The following GPC5 variants were observed in gnomAD, a reference collection of about 807,000 sequenced individuals.
GPC5 encodes the protein glypican-5.
GPC5 carries 47 observed loss-of-function variants against 53.9 expected under a neutral mutation model. The observed-to-expected ratio is 0.87, with a 90% CI of 0.69 to 1.11. The LOEUF is 1.11. GPC5 is among the 50% of genes most tolerant of loss of function. The probability of loss-of-function intolerance (pLI) is 0.00; values close to 1 mark genes in which losing one functional copy is unlikely to be tolerated. For missense variants in GPC5, 748 were observed against 713.1 expected (o/e 1.05, Z -0.56); for synonymous variants, 286 against 263.3 (o/e 1.09, Z -0.84).
chr13:91,742,159 A>G (rs2036948174), intron 4 of GPC5, among the ~76,000 whole-genome samples: 2 of 152,206 alleles, frequency 1.3e-5, no homozygotes, highest in African/African-American at 4.8e-5. Flanking sequence ...GTCAAGACCT[A>G]CATGAATAAT....
At chr13:91,741,952 T>C (rs1162465357) in intron 4 of GPC5, among the ~76,000 whole-genome samples, 1 of 152,182 alleles carries the variant, frequency 6.6e-6, no homozygotes, top group Non-Finnish European at 1.5e-5. Context: ...CCATCATTAT[T>C]TATTACCTGT....
At chr13:92,857,647 A>C (rs564182503) in intron 7 of GPC5, among the ~76,000 whole-genome samples, 116 of 152,282 alleles carry the variant, frequency 7.6e-4, no homozygotes, top group Non-Finnish European at 1.4e-3. Flanking sequence ...CCTCATCAAA[A>C]AGTGGGCAAA....
intron 7 of GPC5, among the ~76,000 whole-genome samples, chr13:92,482,574 T>A (rs951927736): frequency 3.9e-5 from 6 of 152,126 alleles, no homozygotes; most frequent in African/African-American, 1.4e-4. Flanking sequence ...AGGGTTTTTT[T>A]CCCCCCTTAA....
chr13:91,736,716 G>A (rs2036823005), intron 4 of GPC5, among the ~76,000 whole-genome samples: 1 of 151,312 alleles, frequency 6.6e-6, no homozygotes, highest in Non-Finnish European at 1.5e-5. Flanking sequence ...TTATTAATTA[G>A]TTGTATATCC....
chr13:91,619,944 C>T (rs1490576218), intron 2 of GPC5, among the ~76,000 whole-genome samples: 2 of 152,108 alleles, frequency 1.3e-5, no homozygotes, highest in Non-Finnish European at 1.5e-5. Context: ...ATCAAATCTA[C>T]CACCAGCCCC....
intron 7 of GPC5, chr13:92,509,882 ATACT>A (rs554416976): frequency 4.3e-4 from 66 of 152,284 alleles, no homozygotes; most frequent in African/African-American, 1.4e-3. Context: ...AGAAAATATA[ATACT>A]TAGTAGAAAC....
intron 7 of GPC5, among the ~76,000 whole-genome samples, chr13:92,579,202 A>G (rs1361124449): frequency 6.7e-6 from 1 of 150,270 alleles, no homozygotes; most frequent in Non-Finnish European, 1.5e-5. Context: ...TCCTCCCTGA[A>G]TTATAGATTT....
chr13:91,628,480 A>ATCTG (rs56957789), intron 2 of GPC5, among the ~76,000 whole-genome samples: 13,390 of 149,124 alleles, frequency 0.09, 644 homozygotes, highest in African/African-American at 0.11. Context: ...ATTTGTATCT[A>ATCTG]TCTGTCTGTC....
At chr13:91,585,681 T>C (rs891798975) in intron 2 of GPC5, among the ~76,000 whole-genome samples, 9 of 152,194 alleles carry the variant, frequency 5.9e-5, no homozygotes, top group African/African-American at 2.2e-4. Context: ...TCCAAGATGC[T>C]GGTGATGGTG....
chr13:92,228,176 G>T (rs1320795615), intron 7 of GPC5, among the ~76,000 whole-genome samples: 1 of 145,978 alleles, frequency 6.9e-6, no homozygotes, highest in Non-Finnish European at 1.5e-5. Flanking sequence ...AGAAGGAGAG[G>T]CAGGCACACT....
chr13:92,004,093 A>G (rs1317091988), intron 6 of GPC5, among the ~76,000 whole-genome samples: 1 of 152,158 alleles, frequency 6.6e-6, no homozygotes, highest in African/African-American at 2.4e-5. Flanking sequence ...AGATTTTGTT[A>G]CTGTAAAAAC....
chr13:92,838,587 G>T (rs8000315), intron 7 of GPC5, among the ~76,000 whole-genome samples: 5,427 of 151,564 alleles, frequency 0.036, 432 homozygotes, highest in East Asian at 0.33. Flanking sequence ...CAAAACTTAC[G>T]AAATACATGA....
chr13:91,545,672 T>G (rs772378074), intron 2 of GPC5, among the ~76,000 whole-genome samples: 1 of 152,064 alleles, frequency 6.6e-6, no homozygotes, highest in Non-Finnish European at 1.5e-5. Flanking sequence ...TGACTAAAAT[T>G]TTTATGCCTC....
At chr13:92,316,801 T>C (rs2043182334) in intron 7 of GPC5, among the ~76,000 whole-genome samples, 1 of 152,142 alleles carries the variant, frequency 6.6e-6, no homozygotes. Flanking sequence ...TGGGTCAAAT[T>C]TTGATGTTGA....
Position 91,738,882 on chromosome 13 carries a change from T to C in GPC5, c.1154+10217T>C, listed in dbSNP as rs1358071514. 5.3e-5 allele frequency among the ~76,000 whole-genome samples: 8 copies of C among 151,388 alleles called. No homozygotes were observed. In the East Asian group the frequency reaches 1.5e-3, roughly 29 times the overall value. On this transcript the variant is annotated intron_variant, in intron 4 of 7. Transcript: ENST00000377067. Reference sequence around the variant, plus strand: ...AATCCCCAGGACAACTACTGCTATATAATAATACTTACTTATAATTTCTCA... The same window carrying C: ...AATCCCCAGGACAACTACTGCTATACAATAATACTTACTTATAATTTCTCA...
At chr13:91,572,217 A>G (rs12184514) in intron 2 of GPC5, among the ~76,000 whole-genome samples, 12,235 of 89,090 alleles carry the variant, frequency 0.14, 1,607 homozygotes, top group Middle Eastern at 0.16. Flanking sequence ...ATACGTGTAT[A>G]TATATACACA....
intron 3 of GPC5, among the ~76,000 whole-genome samples, chr13:91,719,613 G>A (rs2036421163): frequency 6.6e-6 from 1 of 152,076 alleles, no homozygotes; most frequent in South Asian, 2.1e-4. Flanking sequence ...TAGATCTATG[G>A]TTTAGGAAAC....
At chr13:92,173,510 C>T (rs114334811) in intron 7 of GPC5, among the ~76,000 whole-genome samples, 1,882 of 152,258 alleles carry the variant, frequency 0.012, 33 homozygotes, top group African/African-American at 0.043. Context: ...TGGACAAACC[C>T]TTTCCTTTTG....
intron 7 of GPC5, among the ~76,000 whole-genome samples, chr13:92,467,533 G>C (rs959887133): frequency 6.6e-6 from 1 of 152,120 alleles, no homozygotes; most frequent in South Asian, 2.1e-4. Flanking sequence ...ACATTTTTGT[G>C]CATTCTTTAA....
Sources: allele counts gnomAD v4.1 joint callset (sites outside exome capture counted in the v4.1 genomes callset), GRCh38; gene constraint gnomAD v4.1.1; transcripts MANE v1.5; gene names NCBI Gene and HGNC (gene_info 2026-07-23, HGNC 2026-07-21).